PHF24: variants seen among roughly 807,000 people sequenced by gnomAD.
The protein encoded by PHF24 is PHD finger protein 24.
PHF24 carries 25 observed loss-of-function variants against 42.6 expected under a neutral mutation model. The ratio of observed to expected loss-of-function variants is 0.59; its 90% CI spans 0.43 to 0.82. The LOEUF (loss-of-function observed/expected upper bound fraction) is 0.82, where lower values mean the gene tolerates loss of function less well. Ranked by LOEUF, PHF24 falls within the 40% of genes least tolerant of loss-of-function variation. PHF24 has a pLI of 0.00. For synonymous variants in PHF24, 185 were observed against 204.8 expected (o/e 0.90, Z 0.83); for missense variants, 470 against 538.1 (o/e 0.87, Z 1.25).
chr9:34,706,315 A>G, the PHF24 span, among the ~76,000 whole-genome samples: 18 of 152,224 alleles, frequency 1.2e-4, no homozygotes, highest in Non-Finnish European at 1.6e-4. Context: ...TTAGATCTTC[A>G]CTTTTTATAG....
the PHF24 span, among the ~76,000 whole-genome samples, chr9:34,675,665 A>G: frequency 6.6e-6 from 1 of 152,066 alleles, no homozygotes; most frequent in Non-Finnish European, 1.5e-5. Flanking sequence ...AAATAACGCC[A>G]CTGCCAGGGT....
chr9:34,945,999 T>C, the PHF24 span, among the ~76,000 whole-genome samples: 1 of 152,194 alleles, frequency 6.6e-6, no homozygotes, highest in Non-Finnish European at 1.5e-5. Flanking sequence ...ACTTGTTGGC[T>C]GAGAACAGTC....
the PHF24 span, among the ~76,000 whole-genome samples, chr9:34,861,479 A>G: frequency 6.6e-6 from 1 of 152,218 alleles, no homozygotes; most frequent in African/African-American, 2.4e-5. Context: ...GAGGTATAAG[A>G]TTATCATAGA....
the PHF24 span, among the ~76,000 whole-genome samples, chr9:34,749,591 CTT>C: frequency 7.4e-6 from 1 of 135,922 alleles, no homozygotes; most frequent in African/African-American, 2.7e-5. Flanking sequence ...GTTCAGTTCT[CTT>C]GTTATTCATT....
the PHF24 span, among the ~76,000 whole-genome samples, chr9:34,856,382 T>A: frequency 6.6e-6 from 1 of 152,236 alleles, no homozygotes; most frequent in South Asian, 2.1e-4. Flanking sequence ...TATTTTTGTG[T>A]TGATTCTTTC....
the PHF24 span, chr9:34,836,009 A>G: frequency 1.2e-5 from 8 of 665,280 alleles, no homozygotes; most frequent in Admixed American, 8.3e-5. Flanking sequence ...GGATCTGTAC[A>G]TAGGATTCGC....
chr9:34,690,402 C>CCCTAGCTCG, the PHF24 span: 1 of 1,549,838 alleles, frequency 6.5e-7, no homozygotes, highest in Non-Finnish European at 8.8e-7. Flanking sequence ...ATGGCCATGG[C>CCCTAGCTCG]CCTAGCTCGG....
At chr9:34,699,229 A>T in the PHF24 span, among the ~76,000 whole-genome samples, 2 of 152,190 alleles carry the variant, frequency 1.3e-5, no homozygotes, top group Non-Finnish European at 2.9e-5. Flanking sequence ...TCTTCTGATC[A>T]CACTTACAGC....
chr9:34,859,119 A>C, the PHF24 span, among the ~76,000 whole-genome samples: 1 of 151,980 alleles, frequency 6.6e-6, no homozygotes, highest in Non-Finnish European at 1.5e-5. Flanking sequence ...TAATGTCTTG[A>C]TCTCTCAAAA....
At chr9:34,889,230 G>A in the PHF24 span, 1 of 398,530 alleles carries the variant, frequency 2.5e-6, no homozygotes, top group Non-Finnish European at 4.4e-6. Flanking sequence ...CTTCTGCTGA[G>A]GTGAGTTAGA....
the PHF24 span, among the ~76,000 whole-genome samples, chr9:34,742,034 G>T: frequency 6.6e-6 from 1 of 152,158 alleles, no homozygotes; most frequent in Non-Finnish European, 1.5e-5. Flanking sequence ...CTGCCAGTGA[G>T]TACTGAACCT....
the PHF24 span, among the ~76,000 whole-genome samples, chr9:34,827,568 G>A: frequency 6.6e-6 from 1 of 150,808 alleles, no homozygotes; most frequent in South Asian, 2.1e-4. Context: ...CCTCATGATG[G>A]GATGGTGAGT....
the PHF24 span, among the ~76,000 whole-genome samples, chr9:34,937,239 G>A: frequency 3.9e-5 from 6 of 152,194 alleles, no homozygotes; most frequent in African/African-American, 9.6e-5. Context: ...TTGAGAAATC[G>A]GATGGTTGCC....
At chr9:34,832,781 T>C in the PHF24 span, 3 of 1,550,990 alleles carry the variant, frequency 1.9e-6, no homozygotes, top group African/African-American at 4.1e-5. Context: ...CCTGAGTTGG[T>C]TGGCTCAGGA....
At chr9:34,917,325 C>T in the PHF24 span, 4 of 904,956 alleles carry the variant, frequency 4.4e-6, no homozygotes, top group East Asian at 7.3e-5. Context: ...GGACAGTGAG[C>T]CCAAGTGTGT....
chr9:34,726,869 T>C, the PHF24 span: 2 of 1,551,714 alleles, frequency 1.3e-6, no homozygotes. Flanking sequence ...CAGGGAGATC[T>C]GGTTGTTCTC....
At chr9:34,921,537 G>A in the PHF24 span, among the ~76,000 whole-genome samples, 3 of 152,164 alleles carry the variant, frequency 2.0e-5, no homozygotes, top group Non-Finnish European at 4.4e-5. Context: ...TAAAATGAGT[G>A]TAGCAAAAAT....
At chr9:34,898,900 C>T in the PHF24 span, among the ~76,000 whole-genome samples, 1 of 152,188 alleles carries the variant, frequency 6.6e-6, no homozygotes, top group Admixed American at 6.5e-5. Flanking sequence ...CTGAAAACTC[C>T]ACTCCAGCAA....
the PHF24 span, among the ~76,000 whole-genome samples, chr9:34,703,811 C>T: frequency 1.3e-5 from 2 of 151,992 alleles, no homozygotes; most frequent in African/African-American, 4.8e-5. Context: ...AGCCGTTCTC[C>T]TACCTCTGCC....
Sources: gnomAD v4.1 joint callset for allele counts (sites outside exome capture counted in the v4.1 genomes callset) on GRCh38, gnomAD v4.1.1 for gene constraint, MANE v1.5 for transcripts, NCBI Gene and HGNC (gene_info 2026-07-23, HGNC 2026-07-21) for gene names.